The following FRRS1L variants were observed in gnomAD, a reference collection of about 807,000 sequenced individuals.
The protein encoded by FRRS1L is DOMON domain-containing protein FRRS1L.
In FRRS1L, 22 loss-of-function variants were observed where a neutral mutation model predicts 28.6. That is an observed-to-expected ratio of 0.77 (90% CI 0.55 to 1.10). The LOEUF is 1.10. FRRS1L is among the 50% of genes least tolerant of loss of function. The probability of loss-of-function intolerance (pLI) is 0.00; values close to 1 mark genes in which losing one functional copy is unlikely to be tolerated. For synonymous variants in FRRS1L, 158 were observed against 151.4 expected, an observed-to-expected ratio of 1.04 and a Z score of -0.32; for missense variants, 380 against 386.9, an observed-to-expected ratio of 0.98 and a Z score of 0.15.
intron 1 of FRRS1L, chr9:109,151,066 C>A (rs1479562310): frequency 6.6e-6 from 1 of 152,070 alleles, no homozygotes; most frequent in Non-Finnish European, 1.5e-5. Flanking sequence ...TTTAAAAAAG[C>A]CACCAGGTCA....
At chr9:109,156,617 C>T (rs1455963936) in intron 1 of FRRS1L, among the ~76,000 whole-genome samples, 1 of 150,968 alleles carries the variant, frequency 6.6e-6, no homozygotes, top group African/African-American at 2.4e-5. Context: ...TCTCAATCCC[C>T]TGACCTCGTG....
chr9:109,150,833 T>G (rs1192673874), intron 1 of FRRS1L: 1 of 152,230 alleles, frequency 6.6e-6, no homozygotes, highest in Non-Finnish European at 1.5e-5. Flanking sequence ...TTGTATTCTC[T>G]GCCCAGCATA....
At chr9:109,159,810 C>T (rs1038233151) in intron 1 of FRRS1L, among the ~76,000 whole-genome samples, 11 of 152,216 alleles carry the variant, frequency 7.2e-5, no homozygotes, top group Admixed American at 5.2e-4. Context: ...AGCAGATGGC[C>T]TTTGGACCTG....
At chr9:109,157,569 G>A (rs1236452175) in intron 1 of FRRS1L, among the ~76,000 whole-genome samples, 1 of 151,954 alleles carries the variant, frequency 6.6e-6, no homozygotes, top group Non-Finnish European at 1.5e-5. Context: ...AAATTTTTTT[G>A]TAGGGAATAT....
intron 3 of FRRS1L, among the ~76,000 whole-genome samples, chr9:109,142,824 A>AT (rs61399841): frequency 0.27 from 41,568 of 151,456 alleles, 5,963 homozygotes; most frequent in East Asian, 0.47. Context: ...AAAAATAAAA[A>AT]AAAAAATACA....
At position 109,131,646 on chromosome 9, in the gene FRRS1L, T is replaced by C. The variant is rs1468169251; in HGVS notation, c.*5809A>G. The C allele has an allele frequency of 2.0e-5, 3 of 152,240 alleles. No homozygotes were observed. Among genetic ancestry groups the C allele is most frequent in the East Asian group, 3.8e-4 (2 of 5,202 alleles). 9.4% of individuals were successfully genotyped at this position (152,240 alleles called of 1,614,324 possible). A position where few individuals can be genotyped will look rare whatever the true frequency, so the allele number is the denominator to read the frequency against. On this transcript the variant is annotated 3_prime_UTR_variant, in exon 5 of 5. Transcript: ENST00000561981. The stretch of plus-strand genomic sequence containing the variant: ...TATGGGACATAACCCCATTGTAAGT[T>C]GTAGGAATGTATCAAATGTATATCA...
intron 3 of FRRS1L, 34 bp downstream of exon 3, chr9:109,147,017 A>G (rs1219558129): frequency 6.2e-7 from 1 of 1,603,892 alleles, no homozygotes; most frequent in Non-Finnish European, 8.5e-7. Flanking sequence ...AACTAAAGAG[A>G]AAAAATCAGC....
chr9:109,135,383 C>T lies in FRRS1L; in HGVS notation c.*2072G>A, dbSNP rs968764067. 6.6e-6 allele frequency: 1 copy of T among 152,166 alleles called. No individual in the cohort carries two copies. The highest frequency in any genetic ancestry group is 1.5e-5 in the Non-Finnish European group (1 of 68,034). 9.4% of individuals were successfully genotyped at this position (152,166 alleles called of 1,614,324 possible). ...CAAAGAACAAAGGAGTCCTTTGGGG[C>T]GCCTAATGTCAAGGCATTACTATGA... is the stretch of plus-strand genomic sequence containing the variant. On this transcript the variant is annotated 3_prime_UTR_variant, in exon 5 of 5. Transcript: ENST00000561981.
intron 1 of FRRS1L, among the ~76,000 whole-genome samples, chr9:109,152,759 G>A (rs962559226): frequency 5.9e-5 from 7 of 118,976 alleles, no homozygotes; most frequent in Non-Finnish European, 9.6e-5. Context: ...AGCCAAGATC[G>A]CACCACTGCA....
At chr9:109,166,126 T>C (rs1831545107) in intron 1 of FRRS1L, among the ~76,000 whole-genome samples, 2 of 152,202 alleles carry the variant, frequency 1.3e-5, no homozygotes, top group South Asian at 4.1e-4. Flanking sequence ...TGGATATCCC[T>C]CTTAGCAGAA....
At position 109,167,163 on chromosome 9, in the gene FRRS1L, G is replaced by A. The variant is rs1171548717; in HGVS notation, c.-25C>T. 8.7e-7 allele frequency: 1 copy of A among 1,143,116 alleles called. No individual in the cohort carries two copies. The highest frequency in any genetic ancestry group is 1.1e-6 in the Non-Finnish European group (1 of 934,826). 70.8% of individuals were successfully genotyped at this position (1,143,116 alleles called of 1,614,324 possible). On this transcript the variant is annotated 5_prime_UTR_variant, in exon 1 of 5. Coordinates refer to ENST00000561981, the MANE Select transcript of FRRS1L (RefSeq NM_014334.4). ...TCCGTGCGCACAGATCCCGCAGCCAGGCCGCTCGGGCCGCAGCGGGGGCGC... is the reference window on the plus strand; with the variant it reads ...TCCGTGCGCACAGATCCCGCAGCCAAGCCGCTCGGGCCGCAGCGGGGGCGC...
intron 3 of FRRS1L, among the ~76,000 whole-genome samples, chr9:109,146,504 G>C (rs1366877655): frequency 6.6e-6 from 1 of 152,094 alleles, no homozygotes; most frequent in African/African-American, 2.4e-5. Context: ...AAATGCTTGG[G>C]GTGTGGGGGA....
At position 109,147,313 on chromosome 9, in the gene FRRS1L, T is replaced by TGG. The variant is rs1368248213; in HGVS notation, c.324-126_324-125dup. The TGG allele has an allele frequency of 1.6e-5, 13 of 807,094 alleles. No homozygotes were observed. In the East Asian group the frequency reaches 3.3e-4, roughly 20 times the overall value. 50.0% of individuals were successfully genotyped at this position (807,094 alleles called of 1,614,324 possible). ...TTAAACACATTGGATTTTTGCTACC[T>TGG]GGAATCTTAAAAACACAGTTTCACT... On this transcript the variant is annotated intron_variant, in intron 2 of 4. Coordinates refer to ENST00000561981, the MANE Select transcript of FRRS1L (RefSeq NM_014334.4).
intron 1 of FRRS1L, among the ~76,000 whole-genome samples, chr9:109,154,701 C>CCTAA (rs1047837561): frequency 6.6e-6 from 1 of 152,192 alleles, no homozygotes; most frequent in African/African-American, 2.4e-5. Flanking sequence ...TCTTCCCCAC[C>CCTAA]TTAGACACGA....
chr9:109,140,844 A>C, intron 4 of FRRS1L: 1 of 155,630 alleles, frequency 6.4e-6, no homozygotes, highest in Non-Finnish European at 1.4e-5. Context: ...GCCCCCGTTC[A>C]GTCTTTTTAT....
intron 1 of FRRS1L, among the ~76,000 whole-genome samples, chr9:109,154,836 C>T (rs79876352): frequency 0.097 from 14,764 of 152,176 alleles, 973 homozygotes; most frequent in Middle Eastern, 0.16. Context: ...GACACATTAG[C>T]GATAATGGAT....
In FRRS1L at chr9:109,167,107, A is replaced by G; in HGVS notation, c.32T>C (p.Val11Ala). MARPPRQHPGVWASLLLLLLT... is the reference protein window; with the variant it reads MARPPRQHPGAWASLLLLLLT... ...TAGCAGCAGGAGCAGCGACGCCCAGACCCCCGGGTGCTGCCGGGGCGGCCG... is the reference window on the plus strand; with the variant it reads ...TAGCAGCAGGAGCAGCGACGCCCAGGCCCCCGGGTGCTGCCGGGGCGGCCG... The change falls in exon 1 of 5, where the codon GTC becomes GCC. Residue 11 changes from valine to alanine, a missense_variant. Val to Ala is a moderately conservative substitution (Grantham distance 64). Transcript: ENST00000561981. 1 of 1,172,234 alleles carries G rather than the reference A, an allele frequency of 8.5e-7. No individual in the cohort carries two copies. 72.6% of individuals were successfully genotyped at this position (1,172,234 alleles called of 1,614,324 possible).
chr9:109,142,177 C>T (rs1339831989), intron 3 of FRRS1L, among the ~76,000 whole-genome samples: 2 of 152,014 alleles, frequency 1.3e-5, no homozygotes, highest in African/African-American at 2.4e-5. Context: ...TAAAAGAGAA[C>T]ATTCTTGATT....
chr9:109,143,076 T>C lies in FRRS1L; in HGVS notation c.463-1487A>G, dbSNP rs539491822. On this transcript the variant is annotated intron_variant, in intron 3 of 4. Coordinates refer to ENST00000561981, the MANE Select transcript of FRRS1L (RefSeq NM_014334.4). ...GCTCACGCCTATAATCCCAGCACTG[T>C]GGAAAGCTGAGGCAGACCACTTGAG... 2.0e-5 allele frequency among the ~76,000 whole-genome samples: 3 copies of C among 152,176 alleles called. No individual in the cohort carries two copies. The East Asian group carries it at 5.8e-4, about 30-fold the overall frequency.
Sources: allele counts gnomAD v4.1 joint callset (sites outside exome capture counted in the v4.1 genomes callset), GRCh38; gene constraint gnomAD v4.1.1; transcripts MANE v1.5; gene names NCBI Gene and HGNC (gene_info 2026-07-23, HGNC 2026-07-21).